The following ANO7 variants were observed in gnomAD, a reference collection of about 807,000 sequenced individuals.
The protein encoded by ANO7 is anoctamin-7.
Under a neutral mutation model 115.8 loss-of-function variants are expected in ANO7, and 114 were observed. That is an observed-to-expected ratio of 0.98 (90% CI 0.85 to 1.15). The LOEUF (loss-of-function observed/expected upper bound fraction) is 1.15. Among genes scored for constraint, ANO7 ranks in the 50% most tolerant of loss-of-function variants. The pLI is 0.00. For missense variants in ANO7, 1,302 were observed against 1,201.2 expected (o/e 1.08, Z -1.24); for synonymous variants, 550 against 498.2 (o/e 1.10, Z -1.38).
In ANO7 at chr2:241,214,810, G is replaced by A. The variant is rs536566563; in HGVS notation, c.1734G>A (p.Ala578=). Residue 578 remains alanine (A), a synonymous_variant, in exon 18 of 25, where the codon GCG becomes GCA. Coordinates refer to ENST00000674324, the MANE Select transcript of ANO7 (RefSeq NM_001370694.2). ...CCTGAGCCCTGCTGCCGTAGTGCGC[G>A]GCTGGAGGCTGCCTGATCGAGCTGG... ...TLFGVRNEEC[A]AGGCLIELAQ... 27 of 1,611,508 alleles carry A rather than the reference G, an allele frequency of 1.7e-5. No homozygotes were observed. Among genetic ancestry groups the A allele is most frequent in the South Asian group, 1.1e-4 (10 of 91,076 alleles).
At chr2:241,222,596 T>G (rs1200401504) in intron 21 of ANO7, among the ~76,000 whole-genome samples, 1 of 152,234 alleles carries the variant, frequency 6.6e-6, no homozygotes, top group Non-Finnish European at 1.5e-5. Context: ...TTTTTGTTTT[T>G]TTTATTTTCC....
In ANO7 at chr2:241,188,757, A is replaced by G. The variant is rs2068116367; in HGVS notation, c.-17A>G. On this transcript the variant is annotated 5_prime_UTR_variant, in exon 1 of 25. Coordinates refer to ENST00000674324, the MANE Select transcript of ANO7 (RefSeq NM_001370694.2). The surrounding 1 kb of genome is among the most constrained non-coding windows in gnomAD (Gnocchi z 4.3). The stretch of plus-strand genomic sequence containing the variant: ...ACCTCCGAGACCTCTTCCGGAAGCC[A>G]CTGTGCCAGGTGGGGACCCAGCCTA... 6.2e-7 allele frequency: 1 copy of G among 1,612,970 alleles called. No individual in the cohort carries two copies. Among genetic ancestry groups the G allele is most frequent in the Non-Finnish European group, 8.5e-7 (1 of 1,179,598 alleles).
Position 241,216,209 on chromosome 2 carries a change from A to C in ANO7, c.1943A>C (p.Glu648Ala). Residue 648 changes from glutamate (E) to alanine (A), a missense_variant, in exon 19 of 25, where the codon GAG becomes GCG. Coordinates refer to ENST00000674324, the MANE Select transcript of ANO7 (RefSeq NM_001370694.2). ...GACGACTATGAGCTTGTGCCCTGTGAGGGTCTGTTTGACGAGTACCTGGAA... is the reference window on the plus strand; with the variant it reads ...GACGACTATGAGCTTGTGCCCTGTGCGGGTCTGTTTGACGAGTACCTGGAA... ...WEDDYELVPC[E>A]GLFDEYLEMV... The C allele has an allele frequency of 6.2e-7, 1 of 1,610,370 alleles. No individual in the cohort carries two copies. The highest frequency in any genetic ancestry group is 8.5e-7 in the Non-Finnish European group (1 of 1,178,828).
At chr2:241,212,787 C>T (rs1193777708) in intron 17 of ANO7, 161 bp downstream of exon 17, 1 of 705,326 alleles carries the variant, frequency 1.4e-6, no homozygotes, top group Non-Finnish European at 2.4e-6. Flanking sequence ...GGGCTCCCAG[C>T]CTCTCTTCAC....
Position 241,223,916 on chromosome 2 carries a change from A to G in ANO7, c.2544A>G (p.Gly848=). The G allele has an allele frequency of 6.2e-7, 1 of 1,613,214 alleles. No homozygotes were observed. Among genetic ancestry groups the G allele is most frequent in the Non-Finnish European group, 8.5e-7 (1 of 1,179,912 alleles). Residue 848 remains glycine (G), a synonymous_variant, in exon 24 of 25, where the codon GGA becomes GGG. Coordinates refer to ENST00000674324, the MANE Select transcript of ANO7 (RefSeq NM_001370694.2). ...TTTTTTGGGGACAGGTTCTTTTTGG[A>G]ACGAACGGAACAAAGGATGAGCAGC... ...QALAENEVLF[G]TNGTKDEQPE...
rs1485497295 is a variant in ANO7, at chr2:241,203,427, A to G, written c.818A>G (p.Asn273Ser). The G allele has an allele frequency of 1.9e-6, 3 of 1,595,964 alleles. No homozygotes were observed. Among genetic ancestry groups the G allele is most frequent in the Non-Finnish European group, 8.5e-7 (1 of 1,172,326 alleles). Residue 273 changes from asparagine (N) to serine (S), a missense_variant, in exon 9 of 25, where the codon AAC becomes AGC. By Grantham distance (46) the Asn-to-Ser change is conservative. Coordinates refer to ENST00000674324, the MANE Select transcript of ANO7 (RefSeq NM_001370694.2). The surrounding 1 kb of genome is among the most constrained non-coding windows in gnomAD (Gnocchi z 4.8). The stretch of plus-strand genomic sequence containing the variant: ...CACTGGGCGCGCTGGGGCAAGTGGA[A>G]CAAGTACCAGCCCCTGGACCACGTG... ...FQHWARWGKWNKYQPLDHVRR... is the reference protein window; with the variant it reads ...FQHWARWGKWSKYQPLDHVRR...
At chr2:241,210,432 C>T (rs941804018) in intron 14 of ANO7, 36 bp from the exon 15 acceptor site, 8 of 1,613,674 alleles carry the variant, frequency 5.0e-6, no homozygotes, top group Non-Finnish European at 6.8e-6. Context: ...CCCTGAGCGG[C>T]CCCTCATCCG....
At chr2:241,219,493 T>C (rs2068956464) in intron 21 of ANO7, among the ~76,000 whole-genome samples, 1 of 152,140 alleles carries the variant, frequency 6.6e-6, no homozygotes, top group African/African-American at 2.4e-5. Flanking sequence ...TTATTATTCT[T>C]TTGCTTATTT....
intron 15 of ANO7, among the ~76,000 whole-genome samples, chr2:241,210,887 C>T (rs918386543): frequency 1.3e-5 from 2 of 151,718 alleles, no homozygotes; most frequent in Non-Finnish European, 2.9e-5. Context: ...TCAGGCTGGT[C>T]TCGAGCTCCT....
chr2:241,192,353 C>T (rs1398407427), intron 3 of ANO7, among the ~76,000 whole-genome samples: 1 of 152,094 alleles, frequency 6.6e-6, no homozygotes, highest in Admixed American at 6.6e-5. Context: ...CCACGGCCTG[C>T]GGGGCTTAGA....
the ANO7 span, chr2:241,231,450 C>G: frequency 6.6e-6 from 1 of 152,404 alleles, no homozygotes; most frequent in Non-Finnish European, 1.5e-5. Context: ...CCATCTCTTC[C>G]CAAACTCTAC....
chr2:241,195,669 C>T (rs1202955568), intron 3 of ANO7, 34 bp from the exon 4 acceptor site: 8 of 1,604,594 alleles, frequency 5.0e-6, no homozygotes, highest in Non-Finnish European at 6.8e-6. Flanking sequence ...TGCCACTTAG[C>T]CAGGCTCCTG....
chr2:241,216,698 G>A (rs2149250036), intron 19 of ANO7, among the ~76,000 whole-genome samples: 1 of 152,376 alleles, frequency 6.6e-6, no homozygotes, highest in Non-Finnish European at 1.5e-5. Context: ...GTGGTGGCCA[G>A]TGCCAGGGGC....
rs1257941058 is a variant in ANO7 at position 241,188,907 on chromosome 2, C to G, written c.-8+141C>G. The stretch of plus-strand genomic sequence containing the variant: ...GGCAGTGCCAGGGCCCGCCCTGGTC[C>G]CCAAAGCCCCTTGGGGCACGAGGAG... On this transcript the variant is annotated intron_variant, in intron 1 of 24. Transcript: ENST00000674324. The surrounding 1 kb of genome is among the most constrained non-coding windows in gnomAD (Gnocchi z 4.3). The G allele has an allele frequency of 8.6e-7, 1 of 1,165,690 alleles. No homozygotes were observed. Among genetic ancestry groups the G allele is most frequent in the African/African-American group, 1.6e-5 (1 of 64,364 alleles). 72.2% of individuals were successfully genotyped at this position (1,165,690 alleles called of 1,614,324 possible).
Position 241,203,254 on chromosome 2 carries a change from A to T in ANO7, c.724-79A>T. The T allele has an allele frequency of 8.1e-7, 1 of 1,229,612 alleles. No homozygotes were observed. Among genetic ancestry groups the T allele is most frequent in the Non-Finnish European group, 1.1e-6 (1 of 917,610 alleles). 76.2% of individuals were successfully genotyped at this position (1,229,612 alleles called of 1,614,324 possible). On this transcript the variant is annotated intron_variant, in intron 8 of 24. Coordinates refer to ENST00000674324, the MANE Select transcript of ANO7 (RefSeq NM_001370694.2). The surrounding 1 kb of genome is among the most constrained non-coding windows in gnomAD (Gnocchi z 4.8). ...CCAGGCCTGTCTGCCCATGTCCCAC[A>T]CTGAAGCCCCTGCACCTACAACAGT... is the stretch of plus-strand genomic sequence containing the variant.
In ANO7 at chr2:241,223,890, CT is replaced by C. The variant is rs558204559; in HGVS notation, c.2533-9del. 3,714 of 1,614,046 alleles carry C rather than the reference CT, an allele frequency of 2.3e-3. 7 individuals are homozygous for C. The highest frequency in any genetic ancestry group is 2.4e-3 in the Non-Finnish European group (2,853 of 1,180,002). On this transcript the variant is annotated splice_polypyrimidine_tract_variant and intron_variant, in intron 23 of 24. Transcript: ENST00000674324. Reference sequence around the variant, plus strand: ...TCACATCCCTCTTCCTCTTGCTGCCCTTTTTTGGGGACAGGTTCTTTTTGGA... The same window carrying C: ...TCACATCCCTCTTCCTCTTGCTGCCCTTTTTGGGGACAGGTTCTTTTTGGA...
At chr2:241,202,526 C>T (rs751551700) in intron 8 of ANO7, among the ~76,000 whole-genome samples, 74 of 152,336 alleles carry the variant, frequency 4.9e-4, no homozygotes, top group African/African-American at 1.5e-3. Flanking sequence ...GCCCACACTG[C>T]GGTGCCCAAC....
At chr2:241,235,052 T>C in the ANO7 span, 1 of 1,571,512 alleles carries the variant, frequency 6.4e-7, no homozygotes, top group Non-Finnish European at 8.6e-7. Flanking sequence ...AGAACTTCCC[T>C]AGATTCTGAC....
At chr2:241,204,467 G>A (rs993567383) in intron 9 of ANO7, among the ~76,000 whole-genome samples, 7 of 152,136 alleles carry the variant, frequency 4.6e-5, no homozygotes, top group East Asian at 1.9e-4. Context: ...GGAATGACTC[G>A]TGGTTTCCCT....
Sources: gnomAD v4.1 joint callset for allele counts (sites outside exome capture counted in the v4.1 genomes callset) on GRCh38, gnomAD v4.1.1 for gene constraint, Gnocchi (gnomAD v3.1) non-coding constraint, MANE v1.5 for transcripts, NCBI Gene and HGNC (gene_info 2026-07-23, HGNC 2026-07-21) for gene names.